Variants in ASIC2 observed in about 807,000 individuals in gnomAD.
The protein encoded by ASIC2 is acid sensing ion channel subunit 2.
Under a neutral mutation model 57.3 loss-of-function variants are expected in ASIC2, and 25 were observed. The ratio of observed to expected loss-of-function variants is 0.44; its 90% CI spans 0.32 to 0.61. The LOEUF is 0.61. Among genes scored for constraint, ASIC2 ranks in the 20% least tolerant of loss-of-function variants. The pLI is 0.06. For synonymous variants in ASIC2, 319 were observed against 307.5 expected (o/e 1.04, Z -0.39); for missense variants, 641 against 738.1 (o/e 0.87, Z 1.52).
At chr17:33,201,278 A>C (rs1597627163) in intron 1 of ASIC2, among the ~76,000 whole-genome samples, 2 of 152,166 alleles carry the variant, frequency 1.3e-5, no homozygotes, top group African/African-American at 4.8e-5. Context: ...GGTCCATTAA[A>C]CACTAGTTTG....
intron 1 of ASIC2, among the ~76,000 whole-genome samples, chr17:33,650,032 T>C (rs1470089884): frequency 6.6e-6 from 1 of 152,184 alleles, no homozygotes; most frequent in African/African-American, 2.4e-5. Flanking sequence ...AAAGACTCTC[T>C]TAAGAGGGTA....
At chr17:33,657,010 C>G (rs992341474) in intron 1 of ASIC2, among the ~76,000 whole-genome samples, 8 of 152,140 alleles carry the variant, frequency 5.3e-5, no homozygotes, top group African/African-American at 1.9e-4. Flanking sequence ...GATGACCATG[C>G]TGGAACAATG....
intron 1 of ASIC2, among the ~76,000 whole-genome samples, chr17:33,513,413 T>C (rs1914482879): frequency 1.3e-5 from 2 of 152,262 alleles, no homozygotes; most frequent in Non-Finnish European, 2.9e-5. Flanking sequence ...ATTCTCCTTT[T>C]CATTACTTTC....
At position 34,094,812 on chromosome 17, in the gene ASIC2, G is replaced by A. The variant is rs146672889; in HGVS notation, c.555+61166C>T. 4.6e-5 allele frequency among the ~76,000 whole-genome samples: 7 copies of A among 152,254 alleles called. No homozygotes were observed. The East Asian group carries it at 1.4e-3, about 29-fold the overall frequency. On this transcript the variant is annotated intron_variant, in intron 1 of 9. Transcript: ENST00000359872. The stretch of plus-strand genomic sequence containing the variant: ...ATTTCATAAATATTAAACCCCTACT[G>A]CATGCAAAGCACTGTTCTTGGCTCC...
intron 1 of ASIC2, among the ~76,000 whole-genome samples, chr17:33,549,869 A>G (rs1597780279): frequency 6.6e-6 from 1 of 152,088 alleles, no homozygotes; most frequent in Admixed American, 6.6e-5. Context: ...TTGGGTGACA[A>G]TGGGCTTTAT....
intron 1 of ASIC2, among the ~76,000 whole-genome samples, chr17:33,215,848 C>T (rs1907461232): frequency 6.6e-6 from 1 of 152,070 alleles, no homozygotes; most frequent in Non-Finnish European, 1.5e-5. Flanking sequence ...TACAGGCGCC[C>T]GCCACCTCGC....
At chr17:33,685,974 T>C (rs1908174102) in intron 1 of ASIC2, among the ~76,000 whole-genome samples, 1 of 152,172 alleles carries the variant, frequency 6.6e-6, no homozygotes. Flanking sequence ...AGGGACTCGC[T>C]CACACTTTGC....
rs571779275 is a variant in ASIC2, at chr17:33,280,812, C to T, written c.708+10596G>A. Among the ~76,000 whole-genome samples, 5 of 152,310 alleles carry T rather than the reference C, an allele frequency of 3.3e-5. No individual in the cohort carries two copies. In the East Asian group the frequency reaches 9.7e-4, roughly 29 times the overall value. ...TGTGCTGAGAAGCAGAATCAAACCT[C>T]ATCTGCTTTCCTGAGCAGTAGACTT... On this transcript the variant is annotated intron_variant, in intron 1 of 9. Coordinates refer to ENST00000225823, the MANE Select transcript of ASIC2 (RefSeq NM_183377.2).
chr17:33,217,470 A>T (rs957208190), intron 1 of ASIC2, among the ~76,000 whole-genome samples: 2 of 152,210 alleles, frequency 1.3e-5, no homozygotes, highest in Non-Finnish European at 2.9e-5. Flanking sequence ...ATTTCCCATC[A>T]TGACACTTGT....
At chr17:34,034,092 C>T (rs1368791803) in intron 1 of ASIC2, among the ~76,000 whole-genome samples, 1 of 152,206 alleles carries the variant, frequency 6.6e-6, no homozygotes, top group Non-Finnish European at 1.5e-5. Flanking sequence ...CCTTGATAAA[C>T]ATCAATACAA....
intron 1 of ASIC2, among the ~76,000 whole-genome samples, chr17:33,801,772 A>G (rs544488221): frequency 6.6e-6 from 1 of 152,326 alleles, no homozygotes; most frequent in South Asian, 2.1e-4. Flanking sequence ...ACTTAAACTT[A>G]GATTGATTAA....
intron 1 of ASIC2, among the ~76,000 whole-genome samples, chr17:33,433,822 T>C (rs1911505114): frequency 6.6e-6 from 1 of 151,114 alleles, no homozygotes; most frequent in Non-Finnish European, 1.5e-5. Flanking sequence ...AAAATCTCCA[T>C]GACACAAGTT....
intron 1 of ASIC2, chr17:34,051,858 CAG>C (rs933523151): frequency 9.5e-4 from 52 of 54,460 alleles, no homozygotes; most frequent in African/African-American, 6.5e-3. Context: ...TACACACACA[CAG>C]AGAGAGAGAG....
intron 1 of ASIC2, among the ~76,000 whole-genome samples, chr17:33,127,148 C>T (rs183018683): frequency 0.013 from 1,977 of 149,556 alleles, 21 homozygotes; most frequent in Non-Finnish European, 0.02. Context: ...GGATTACAGG[C>T]GTGAGCCACC....
chr17:33,719,638 G>A (rs1476614829), intron 1 of ASIC2, among the ~76,000 whole-genome samples: 1 of 152,224 alleles, frequency 6.6e-6, no homozygotes, highest in Non-Finnish European at 1.5e-5. Context: ...TCACAGTTGG[G>A]CATGGAGCCT....
intron 1 of ASIC2, among the ~76,000 whole-genome samples, chr17:33,928,607 C>T (rs1213669724): frequency 1.3e-5 from 2 of 152,162 alleles, no homozygotes; most frequent in Non-Finnish European, 2.9e-5. Flanking sequence ...TCAGACCCCT[C>T]TCTTGGAAAT....
At chr17:33,401,894 C>T (rs1171527475) in intron 1 of ASIC2, among the ~76,000 whole-genome samples, 3 of 152,212 alleles carry the variant, frequency 2.0e-5, no homozygotes, top group African/African-American at 7.2e-5. Context: ...CGAGGTCTCT[C>T]TCCCATAGTG....
At chr17:33,846,540 G>A (rs568207110) in intron 1 of ASIC2, among the ~76,000 whole-genome samples, 7 of 152,242 alleles carry the variant, frequency 4.6e-5, no homozygotes, top group Non-Finnish European at 1.0e-4. Context: ...GTAAATTAAA[G>A]ATGTGTATGA....
chr17:33,575,496 A>C (rs1206224275), intron 1 of ASIC2, among the ~76,000 whole-genome samples: 1 of 152,174 alleles, frequency 6.6e-6, no homozygotes, highest in Admixed American at 6.5e-5. Flanking sequence ...TCCTTCTTTG[A>C]AAGGTGAAGA....
Sources: gnomAD v4.1 joint callset for allele counts (sites outside exome capture counted in the v4.1 genomes callset) on GRCh38, gnomAD v4.1.1 for gene constraint, MANE v1.5 for transcripts, NCBI Gene and HGNC (gene_info 2026-07-23, HGNC 2026-07-21) for gene names.